The following BMP6 variants were observed in gnomAD, a reference collection of about 807,000 sequenced individuals.
BMP6 encodes bone morphogenetic protein 6.
A neutral mutation model predicts 54.1 loss-of-function variants in BMP6; 17 were observed. The observed-to-expected ratio is 0.31, with a 90% CI of 0.22 to 0.47. The LOEUF (loss-of-function observed/expected upper bound fraction) is 0.47. Ranked by LOEUF, BMP6 falls within the 20% of genes least tolerant of loss-of-function variation. The pLI is 1.00. For synonymous variants in BMP6, 328 were observed against 291.2 expected (o/e 1.13, Z -1.28); for missense variants, 720 against 690.4 (o/e 1.04, Z -0.48).
intron 1 of BMP6, among the ~76,000 whole-genome samples, chr6:7,744,069 C>T (rs778103223): frequency 1.3e-5 from 2 of 152,046 alleles, no homozygotes; most frequent in Admixed American, 6.6e-5. Flanking sequence ...ATCTGTATAC[C>T]CTCCACTTAG....
intron 1 of BMP6, among the ~76,000 whole-genome samples, chr6:7,780,543 C>T (rs1196409479): frequency 3.3e-5 from 5 of 149,962 alleles, no homozygotes; most frequent in African/African-American, 1.2e-4. Context: ...GAGTGAAATT[C>T]CATCGCAAAA....
intron 1 of BMP6, among the ~76,000 whole-genome samples, chr6:7,750,059 G>A (rs891185052): frequency 6.6e-6 from 1 of 152,218 alleles, no homozygotes; most frequent in Admixed American, 6.5e-5. Context: ...GGGTGAGACA[G>A]GATGCTTAAG....
At chr6:7,734,428 C>T (rs933670114) in intron 1 of BMP6, among the ~76,000 whole-genome samples, 3 of 152,096 alleles carry the variant, frequency 2.0e-5, no homozygotes, top group Non-Finnish European at 4.4e-5. Context: ...CCTAGTGCAT[C>T]AGAGCAATAG....
chr6:7,862,677 C>T (rs1288626205), intron 4 of BMP6, among the ~76,000 whole-genome samples, 179 bp downstream of exon 4: 1 of 152,154 alleles, frequency 6.6e-6, no homozygotes, highest in Non-Finnish European at 1.5e-5. Context: ...GTTCTGAGGG[C>T]CCTCAGCCTG....
chr6:7,794,090 A>C (rs1343269753), intron 1 of BMP6, among the ~76,000 whole-genome samples: 1 of 152,136 alleles, frequency 6.6e-6, no homozygotes, highest in Non-Finnish European at 1.5e-5. Context: ...TGTGGCACTG[A>C]TGCTCTTCAC....
intron 1 of BMP6, among the ~76,000 whole-genome samples, chr6:7,815,576 G>A (rs1156712093): frequency 6.6e-6 from 1 of 152,190 alleles, no homozygotes; most frequent in Non-Finnish European, 1.5e-5. Flanking sequence ...CAAAACCTTA[G>A]TCTTGGTTGA....
intron 1 of BMP6, among the ~76,000 whole-genome samples, chr6:7,792,963 T>C (rs1758132029): frequency 6.6e-6 from 1 of 152,244 alleles, no homozygotes; most frequent in Admixed American, 6.5e-5. Flanking sequence ...TTTCATTATG[T>C]AGCAACTGTG....
intron 4 of BMP6, among the ~76,000 whole-genome samples, chr6:7,873,045 G>A (rs142165192): frequency 2.0e-5 from 3 of 152,004 alleles, no homozygotes; most frequent in African/African-American, 4.8e-5. Context: ...GGTTCAAACA[G>A]TCTTCCCACC....
rs2113300746 is a variant in BMP6 at position 7,880,638 on chromosome 6, C to T, written c.*295C>T. 7.2e-6 allele frequency: 3 copies of T among 418,352 alleles called. No homozygotes were observed. In the East Asian group the frequency reaches 1.3e-4, roughly 18 times the overall value. 25.9% of individuals were successfully genotyped at this position (418,352 alleles called of 1,614,324 possible). ...TCTTCCTACCCTCCTCCCCCAAAAA[C>T]CCACCAAAATTAGTTTTAGCTGTAG... is the stretch of plus-strand genomic sequence containing the variant. On this transcript the variant is annotated 3_prime_UTR_variant, in exon 7 of 7. Transcript: ENST00000283147.
chr6:7,828,813 A>G (rs1021110082), intron 1 of BMP6, among the ~76,000 whole-genome samples: 2 of 152,190 alleles, frequency 1.3e-5, no homozygotes, highest in African/African-American at 4.8e-5. Context: ...GTTGAGGTGA[A>G]GAGGGACAGC....
chr6:7,796,044 A>G (rs1203745065), intron 1 of BMP6, among the ~76,000 whole-genome samples: 12 of 152,210 alleles, frequency 7.9e-5, no homozygotes, highest in Admixed American at 7.2e-4. Context: ...TTGGAAGTCT[A>G]TAGCCTGGAG....
intron 1 of BMP6, among the ~76,000 whole-genome samples, chr6:7,841,538 TAC>T (rs1231269071): frequency 7.9e-5 from 12 of 152,336 alleles, no homozygotes; most frequent in African/African-American, 2.4e-4. Flanking sequence ...ACAAACTGTG[TAC>T]ATTCAATCGC....
At chr6:7,843,217 A>G (rs564168308) in intron 1 of BMP6, among the ~76,000 whole-genome samples, 9 of 152,120 alleles carry the variant, frequency 5.9e-5, no homozygotes, top group Admixed American at 5.2e-4. Context: ...CTTCTTGCTT[A>G]TATTCAAGCT....
intron 1 of BMP6, among the ~76,000 whole-genome samples, chr6:7,770,402 T>C (rs1415047265): frequency 1.3e-5 from 2 of 152,190 alleles, no homozygotes; most frequent in African/African-American, 4.8e-5. Flanking sequence ...CATGTAACAA[T>C]TGGTTCTGTC....
chr6:7,743,267 T>G (rs1185161964), intron 1 of BMP6, among the ~76,000 whole-genome samples: 1 of 152,206 alleles, frequency 6.6e-6, no homozygotes, highest in African/African-American at 2.4e-5. Flanking sequence ...CTTTTTATTT[T>G]GGGGGGCTGT....
chr6:7,762,713 T>A (rs1430703469), intron 1 of BMP6, among the ~76,000 whole-genome samples: 1 of 152,242 alleles, frequency 6.6e-6, no homozygotes, highest in Non-Finnish European at 1.5e-5. Flanking sequence ...TGCAACTCAA[T>A]GTGCATGTCT....
At chr6:7,822,161 C>T (rs1758620931) in intron 1 of BMP6, among the ~76,000 whole-genome samples, 1 of 152,134 alleles carries the variant, frequency 6.6e-6, no homozygotes, top group South Asian at 2.1e-4. Flanking sequence ...GCTGGGGTTA[C>T]AGTCATGCGC....
chr6:7,867,475 T>C (rs73719352), intron 4 of BMP6, among the ~76,000 whole-genome samples: 1,651 of 152,306 alleles, frequency 0.011, 28 homozygotes, highest in African/African-American at 0.038. Context: ...TGTTACAGTG[T>C]CCTCACTACT....
intron 1 of BMP6, among the ~76,000 whole-genome samples, chr6:7,831,261 G>C (rs965640209): frequency 6.6e-6 from 1 of 152,200 alleles, no homozygotes; most frequent in African/African-American, 2.4e-5. Flanking sequence ...GATCCAGAGA[G>C]GCAGAACACA....
Sources: allele counts gnomAD v4.1 joint callset (sites outside exome capture counted in the v4.1 genomes callset), GRCh38; gene constraint gnomAD v4.1.1; transcripts MANE v1.5; gene names NCBI Gene and HGNC (gene_info 2026-07-23, HGNC 2026-07-21).